The following OSBPL6 variants were observed in gnomAD, a reference collection of about 807,000 sequenced individuals.
OSBPL6 encodes oxysterol-binding protein-related protein 6.
In OSBPL6, 49 loss-of-function variants were observed where a neutral mutation model predicts 125.8. The ratio of observed to expected loss-of-function variants is 0.39; its 90% CI spans 0.31 to 0.49. The LOEUF is 0.49. OSBPL6 is among the 20% of genes least tolerant of loss of function. The pLI, the probability that OSBPL6 is intolerant of heterozygous loss-of-function variation, is 0.88. For synonymous variants in OSBPL6, 394 were observed against 391.8 expected, an observed-to-expected ratio of 1.01 and a Z score of -0.07; for missense variants, 986 against 1,135.4, an observed-to-expected ratio of 0.87 and a Z score of 1.89.
At chr2:178,381,078 GA>G (rs1414941839) in intron 15 of OSBPL6, among the ~76,000 whole-genome samples, 2 of 152,002 alleles carry the variant, frequency 1.3e-5, no homozygotes, top group Non-Finnish European at 2.9e-5. Flanking sequence ...TTTATATTCA[GA>G]AAAAAATACA....
chr2:178,246,634 T>C (rs925356581), intron 1 of OSBPL6, among the ~76,000 whole-genome samples: 2 of 152,226 alleles, frequency 1.3e-5, no homozygotes, highest in African/African-American at 2.4e-5. Context: ...TTCCATCTAT[T>C]AATGGAATCA....
intron 12 of OSBPL6, among the ~76,000 whole-genome samples, chr2:178,360,630 T>C (rs1441554418): frequency 1.3e-5 from 2 of 152,228 alleles, no homozygotes; most frequent in African/African-American, 4.8e-5. Context: ...ACAAATTCTC[T>C]ATGCTAGGCA....
In OSBPL6 at chr2:178,328,240, T is replaced by C; in HGVS notation, c.196-16T>C. 6.2e-7 allele frequency: 1 copy of C among 1,612,324 alleles called. No individual in the cohort carries two copies. Among genetic ancestry groups the C allele is most frequent in the Admixed American group, 1.7e-5 (1 of 59,756 alleles). The stretch of plus-strand genomic sequence containing the variant: ...CACTGAGTAACATGTGATTTGTTTT[T>C]CTTCTTTTCTCTCAGGAAGCTGACA... On this transcript the variant is annotated splice_polypyrimidine_tract_variant and intron_variant, in intron 4 of 24. Coordinates refer to ENST00000190611, the MANE Select transcript of OSBPL6 (RefSeq NM_032523.4).
chr2:178,209,701 T>C (rs1574488893), intron 1 of OSBPL6, among the ~76,000 whole-genome samples: 1 of 151,914 alleles, frequency 6.6e-6, no homozygotes, highest in Non-Finnish European at 1.5e-5. Flanking sequence ...AGCACTCAAG[T>C]GGGTCTTTTA....
chr2:178,237,346 T>TTTTTGTTTTG (rs57395792), intron 1 of OSBPL6, among the ~76,000 whole-genome samples: 8 of 150,838 alleles, frequency 5.3e-5, no homozygotes, highest in African/African-American at 1.7e-4. Context: ...TCAATTTGTT[T>TTTTTGTTTTG]TTTTGTTTTG....
intron 18 of OSBPL6, among the ~76,000 whole-genome samples, chr2:178,385,235 TAAAGAAAGGAAGGAAGGAAG>T (rs1244943351): frequency 2.6e-5 from 4 of 151,898 alleles, no homozygotes; most frequent in Non-Finnish European, 4.4e-5. Flanking sequence ...AAAGTATAAT[TAAAGAAAGGAAGGAAGGAAG>T]AAAGAAAGGA....
At chr2:178,267,379 A>C in intron 1 of OSBPL6, among the ~76,000 whole-genome samples, 1 of 151,442 alleles carries the variant, frequency 6.6e-6, no homozygotes, top group East Asian at 1.9e-4. Flanking sequence ...AAAAAAACAA[A>C]ACAAGGTTTA....
chr2:178,284,415 T>G (rs1299515279), intron 1 of OSBPL6, among the ~76,000 whole-genome samples: 1 of 152,134 alleles, frequency 6.6e-6, no homozygotes, highest in Non-Finnish European at 1.5e-5. Flanking sequence ...TAGCTGGGCA[T>G]GATGGCGTGT....
chr2:178,258,566 A>G (rs34835220), intron 1 of OSBPL6, among the ~76,000 whole-genome samples: 37,686 of 152,056 alleles, frequency 0.25, 5,225 homozygotes, highest in African/African-American at 0.38. Flanking sequence ...CGTGATGATA[A>G]TGATGGTGAT....
chr2:178,390,989 C>T, intron 21 of OSBPL6, 84 bp from the exon 22 acceptor site: 1 of 1,557,382 alleles, frequency 6.4e-7, no homozygotes, highest in South Asian at 1.2e-5. Context: ...GACTTCAAGG[C>T]TAAGAAATTT....
At position 178,254,318 on chromosome 2, in the gene OSBPL6, G is replaced by A. The variant is rs185739160; in HGVS notation, c.-350-30609G>A. 4.7e-3 allele frequency among the ~76,000 whole-genome samples: 711 copies of A among 151,566 alleles called. 7 individuals are homozygous for A. Among genetic ancestry groups the A allele is most frequent in the Non-Finnish European group, 7.6e-3 (513 of 67,944 alleles). The stretch of plus-strand genomic sequence containing the variant: ...TGAGGCAGGAGAATCACTTGAACCC[G>A]AGAGGCGGAGGTTGCAGTGAGCTGA... On this transcript the variant is annotated intron_variant, in intron 1 of 24. Transcript: ENST00000190611.
At position 178,396,290 on chromosome 2, in the gene OSBPL6, T is replaced by A. The variant is rs1037657551; in HGVS notation, c.*731T>A. On this transcript the variant is annotated 3_prime_UTR_variant, in exon 25 of 25. Transcript: ENST00000190611. Reference sequence around the variant, plus strand: ...ACGTGCTTTACTCTGATAAGTCAGTTACCATATGGTATGTCTGAAGGGAAA... The same window carrying A: ...ACGTGCTTTACTCTGATAAGTCAGTAACCATATGGTATGTCTGAAGGGAAA... The A allele has an allele frequency of 6.5e-6, 1 of 154,994 alleles. No homozygotes were observed. Among genetic ancestry groups the A allele is most frequent in the Non-Finnish European group, 1.4e-5 (1 of 69,570 alleles). The allele number at this position is 154,994 out of a possible 1,614,324, so 9.6% of individuals were successfully genotyped here. A position where few individuals can be genotyped will look rare whatever the true frequency, so the allele number is the denominator to read the frequency against.
chr2:178,310,676 C>CA (rs1241716356), intron 3 of OSBPL6, among the ~76,000 whole-genome samples: 3 of 151,982 alleles, frequency 2.0e-5, no homozygotes, highest in Non-Finnish European at 2.9e-5. Flanking sequence ...CTCGGCCTCC[C>CA]AAAGTGCGGG....
intron 4 of OSBPL6, among the ~76,000 whole-genome samples, chr2:178,324,992 A>G (rs1688571530): frequency 6.6e-6 from 1 of 152,170 alleles, no homozygotes; most frequent in African/African-American, 2.4e-5. Flanking sequence ...GTGAGAGAAC[A>G]CTGCAGATTA....
chr2:178,312,006 G>T (rs1687314641), intron 3 of OSBPL6, among the ~76,000 whole-genome samples: 1 of 152,134 alleles, frequency 6.6e-6, no homozygotes, highest in South Asian at 2.1e-4. Flanking sequence ...AATTGAAATG[G>T]CGTCTTAGTC....
At chr2:178,235,056 G>A (rs937310636) in intron 1 of OSBPL6, among the ~76,000 whole-genome samples, 5 of 152,054 alleles carry the variant, frequency 3.3e-5, no homozygotes, top group South Asian at 2.1e-4. Context: ...GTACTTTGCC[G>A]GATACTCTTC....
chr2:178,381,755 C>T (rs1381567054), intron 15 of OSBPL6, among the ~76,000 whole-genome samples: 1 of 152,228 alleles, frequency 6.6e-6, no homozygotes, highest in Non-Finnish European at 1.5e-5. Context: ...CTGACTCCAA[C>T]ATCCTGTGCA....
intron 3 of OSBPL6, among the ~76,000 whole-genome samples, chr2:178,310,680 G>A (rs1000815088): frequency 1.3e-5 from 2 of 151,892 alleles, no homozygotes; most frequent in African/African-American, 4.8e-5. Flanking sequence ...GCCTCCCAAA[G>A]TGCGGGGATT....
At position 178,320,498 on chromosome 2, in the gene OSBPL6, T is replaced by G. The variant is rs1031036424; in HGVS notation, c.103-3679T>G. On this transcript the variant is annotated intron_variant, in intron 3 of 24. Transcript: ENST00000190611. ...TTAGCATTTGAGAGGAAACTTGATTTTAGAAGAATAATTAACTGGTTTACA... is the reference window on the plus strand; with the variant it reads ...TTAGCATTTGAGAGGAAACTTGATTGTAGAAGAATAATTAACTGGTTTACA... 10 of 1,295,214 alleles carry G rather than the reference T, an allele frequency of 7.7e-6. No individual in the cohort carries two copies. In the African/African-American group the frequency reaches 1.3e-4, roughly 17 times the overall value. The allele number at this position is 1,295,214 out of a possible 1,614,324, so 80.2% of individuals were successfully genotyped here.
Sources: allele counts gnomAD v4.1 joint callset (sites outside exome capture counted in the v4.1 genomes callset), GRCh38; gene constraint gnomAD v4.1.1; transcripts MANE v1.5; gene names NCBI Gene and HGNC (gene_info 2026-07-23, HGNC 2026-07-21).